The following CRYZ variants were observed in gnomAD, a reference collection of about 807,000 sequenced individuals.
CRYZ encodes the protein zeta-crystallin.
CRYZ carries 35 observed loss-of-function variants against 34.1 expected under a neutral mutation model. The observed-to-expected ratio is 1.03, with a 90% confidence interval of 0.78 to 1.36. The LOEUF (loss-of-function observed/expected upper bound fraction) is 1.36, where lower values mean the gene tolerates loss of function less well. Among genes scored for constraint, CRYZ ranks in the 40% most tolerant of loss-of-function variants. The pLI is 0.00. For missense variants in CRYZ, 403 were observed against 391.8 expected, an observed-to-expected ratio of 1.03 and a Z score of -0.24; for synonymous variants, 137 against 136.5, an observed-to-expected ratio of 1.00 and a Z score of -0.03.
intron 1 of CRYZ, among the ~76,000 whole-genome samples, chr1:74,727,720 G>A (rs1647455082): frequency 6.7e-6 from 1 of 149,368 alleles, no homozygotes; most frequent in African/African-American, 2.5e-5. Flanking sequence ...CAAAAGACCT[G>A]ACCCATGATT....
intron 6 of CRYZ, chr1:74,707,405 G>A: frequency 2.5e-6 from 1 of 392,926 alleles, no homozygotes; most frequent in Non-Finnish European, 4.5e-6. Context: ...CATCTAAACT[G>A]ATAAAAATTT....
At chr1:74,713,563 T>A (rs1300237686) in intron 5 of CRYZ, among the ~76,000 whole-genome samples, 1 of 152,150 alleles carries the variant, frequency 6.6e-6, no homozygotes. Context: ...CTATTTGAAG[T>A]GTAGGAAGCT....
chr1:74,710,676 T>G (rs927365437), intron 5 of CRYZ, among the ~76,000 whole-genome samples: 4 of 152,142 alleles, frequency 2.6e-5, no homozygotes, highest in African/African-American at 9.7e-5. Context: ...CTGACTTCTT[T>G]GTGCATATGA....
At chr1:74,713,862 G>A (rs148176445) in intron 5 of CRYZ, among the ~76,000 whole-genome samples, 48 of 152,204 alleles carry the variant, frequency 3.2e-4, no homozygotes, top group Non-Finnish European at 6.3e-4. Context: ...CAGAGTTCAT[G>A]TGGATTTCTT....
At position 74,729,205 on chromosome 1, in the gene CRYZ, C is replaced by T. The variant is rs77955392; in HGVS notation, c.-14+3751G>A. On this transcript the variant is annotated intron_variant, in intron 1 of 8. Transcript: ENST00000340866. ...AATATGCAGCTCGAGGTGTGAGTCC[C>T]AGCTCTATCATGTGGGAGCCACATG... Among the ~76,000 whole-genome samples, 348 of 151,228 alleles carry T rather than the reference C, an allele frequency of 2.3e-3. 2 individuals are homozygous for T. Among genetic ancestry groups the T allele is most frequent in the African/African-American group, 8.1e-3 (334 of 41,188 alleles).
chr1:74,707,279 A>C, intron 6 of CRYZ, 75 bp from the exon 7 acceptor site: 2 of 787,268 alleles, frequency 2.5e-6, no homozygotes, highest in Middle Eastern at 3.5e-4. Context: ...TGTACAAGAT[A>C]TTATAGAAAT....
chr1:74,722,780 G>A (rs1464129179), intron 3 of CRYZ, among the ~76,000 whole-genome samples: 14 of 151,978 alleles, frequency 9.2e-5, no homozygotes, highest in Admixed American at 8.5e-4. Flanking sequence ...AATTATGTTA[G>A]CTTATGTATC....
rs1296078339 is a variant in CRYZ, at chr1:74,732,613, G to T, written c.-14+343C>A. Among the ~76,000 whole-genome samples the T allele has an allele frequency of 1.5e-4, 6 of 40,506 alleles. 1 individual carries two copies. The highest frequency in any genetic ancestry group is 5.1e-4 in the Admixed American group (2 of 3,944). The allele number at this position is 40,506 out of a possible 152,430, so 26.6% of individuals were successfully genotyped here. ...GGTGACTGGCGGGGGGGGGGGGGGG[G>T]GGTGCAGCGTGGGGCTGGGGGACAG... is the stretch of plus-strand genomic sequence containing the variant. On this transcript the variant is annotated intron_variant, in intron 1 of 8. Coordinates refer to ENST00000340866, the MANE Select transcript of CRYZ (RefSeq NM_001889.4).
rs1204829526 is a variant in CRYZ, at chr1:74,724,732, T to TA, written c.89dup (p.Pro31ThrfsTer30). ...CTACCTGATGGTCTTTTGGAATCGGTACTGCAATATCTGATCGCAATTTCA... is the reference window on the plus strand; with the variant it reads ...CTACCTGATGGTCTTTTGGAATCGGTAACTGCAATATCTGATCGCAATTTCA... On this transcript the variant is annotated frameshift_variant, in exon 2 of 9. Coordinates refer to ENST00000340866, the MANE Select transcript of CRYZ (RefSeq NM_001889.4). LOFTEE classifies it high-confidence loss of function. 2 of 1,610,698 alleles carry TA rather than the reference T, an allele frequency of 1.2e-6. No homozygotes were observed. Among genetic ancestry groups the TA allele is most frequent in the African/African-American group, 2.7e-5 (2 of 74,794 alleles).
At chr1:74,719,498 TA>T (rs1647126106) in intron 3 of CRYZ, 126 bp from the exon 4 acceptor site, 25 of 861,362 alleles carry the variant, frequency 2.9e-5, no homozygotes, top group Non-Finnish European at 4.1e-5. Context: ...CTCATATAAA[TA>T]ATTTTTTTTT....
At chr1:74,721,898 G>C (rs1440303646) in intron 3 of CRYZ, among the ~76,000 whole-genome samples, 3 of 152,194 alleles carry the variant, frequency 2.0e-5, no homozygotes, top group Admixed American at 2.0e-4. Flanking sequence ...GACACGGGAG[G>C]CTATTAAGCA....
chr1:74,725,111 A>G (rs1438501577), intron 1 of CRYZ, among the ~76,000 whole-genome samples: 1 of 152,228 alleles, frequency 6.6e-6, no homozygotes, highest in African/African-American at 2.4e-5. Flanking sequence ...GCATGATACC[A>G]TATTTAGGTT....
rs1557720189 is a variant in CRYZ, at chr1:74,707,124, CAGA to C, written c.708_710del (p.Leu237del). 6.3e-7 allele frequency: 1 copy of C among 1,584,468 alleles called. No individual in the cohort carries two copies. The highest frequency in any genetic ancestry group is 8.6e-7 in the Non-Finnish European group (1 of 1,165,828). On this transcript the variant is annotated inframe_deletion, in exon 7 of 9. Coordinates refer to ENST00000340866, the MANE Select transcript of CRYZ (RefSeq NM_001889.4). ...TTACTATCACTCGTCCTCCATGTGACAGAAGACTCAAGTCTTTACTAAGATTTA... is the reference window on the plus strand; with the variant it reads ...TTACTATCACTCGTCCTCCATGTGACAGACTCAAGTCTTTACTAAGATTTA...
At position 74,723,280 on chromosome 1, in the gene CRYZ, CA is replaced by C; in HGVS notation, c.112-11del. ...GGACCTTGATTAGAACCTGCAATGA[CA>C]ATGTATTTTAGTTCACAGAAAGAAT... On this transcript the variant is annotated splice_polypyrimidine_tract_variant and intron_variant, in intron 2 of 8. Coordinates refer to ENST00000340866, the MANE Select transcript of CRYZ (RefSeq NM_001889.4). The C allele has an allele frequency of 6.2e-7, 1 of 1,608,208 alleles. No homozygotes were observed. The highest frequency in any genetic ancestry group is 8.5e-7 in the Non-Finnish European group (1 of 1,178,464).
At chr1:74,710,949 T>C (rs1159673754) in intron 5 of CRYZ, among the ~76,000 whole-genome samples, 2 of 152,144 alleles carry the variant, frequency 1.3e-5, no homozygotes, top group East Asian at 3.9e-4. Context: ...GAATAGGGGC[T>C]ATTTAGGTCA....
At chr1:74,724,598 A>G in intron 2 of CRYZ, 113 bp downstream of exon 2, 1 of 674,458 alleles carries the variant, frequency 1.5e-6, no homozygotes, top group Non-Finnish European at 2.6e-6. Context: ...TGTAAACTGC[A>G]TCCTAATTCA....
At chr1:74,717,961 C>A (rs1647099973) in intron 4 of CRYZ, among the ~76,000 whole-genome samples, 1 of 150,578 alleles carries the variant, frequency 6.6e-6, no homozygotes, top group African/African-American at 2.4e-5. Context: ...TGCTGCTATC[C>A]CCAAATTTGT....
intron 1 of CRYZ, among the ~76,000 whole-genome samples, chr1:74,727,091 A>T (rs1319433000): frequency 2.0e-5 from 3 of 151,622 alleles, no homozygotes; most frequent in Admixed American, 6.6e-5. Context: ...AACTTTCCCA[A>T]ATCTTCCTGT....
chr1:74,722,325 G>C (rs1647176856), intron 3 of CRYZ, among the ~76,000 whole-genome samples: 1 of 152,040 alleles, frequency 6.6e-6, no homozygotes, highest in East Asian at 1.9e-4. Flanking sequence ...GAAAGATAAT[G>C]ACATAAAAGG....
Sources: allele counts gnomAD v4.1 joint callset (sites outside exome capture counted in the v4.1 genomes callset), GRCh38; gene constraint gnomAD v4.1.1; transcripts MANE v1.5; gene names NCBI Gene and HGNC (gene_info 2026-07-23, HGNC 2026-07-21).